The following XKR6 variants were observed in gnomAD, a reference collection of about 807,000 sequenced individuals.
XKR6 encodes the protein XK related 6, also known as XK-related protein 6.
Under a neutral mutation model 56.7 loss-of-function variants are expected in XKR6, and 22 were observed. That is an observed-to-expected ratio of 0.39 (90% CI 0.28 to 0.55). The LOEUF (loss-of-function observed/expected upper bound fraction) is 0.55, where lower values mean the gene tolerates loss of function less well. XKR6 is among the 20% of genes least tolerant of loss of function. The probability of loss-of-function intolerance (pLI) is 0.66; values close to 1 mark genes in which losing one functional copy is unlikely to be tolerated. For synonymous variants in XKR6, 524 were observed against 387.8 expected, an observed-to-expected ratio of 1.35 and a Z score of -4.13; for missense variants, 852 against 889.0, an observed-to-expected ratio of 0.96 and a Z score of 0.53.
At chr8:10,912,194 TG>T (rs1800400952) in intron 2 of XKR6, among the ~76,000 whole-genome samples, 1 of 138,456 alleles carries the variant, frequency 7.2e-6, no homozygotes, top group Non-Finnish European at 1.6e-5. Flanking sequence ...ATATATAGAG[TG>T]GGATGGTGTG....
At chr8:11,069,316 A>T (rs895752949) in intron 1 of XKR6, among the ~76,000 whole-genome samples, 1 of 151,218 alleles carries the variant, frequency 6.6e-6, no homozygotes, top group East Asian at 1.9e-4. Context: ...GTTCTTTCTC[A>T]GTCTGAAGCA....
chr8:11,043,527 T>C (rs1799336278), intron 1 of XKR6, among the ~76,000 whole-genome samples: 3 of 152,250 alleles, frequency 2.0e-5, no homozygotes, highest in African/African-American at 7.2e-5. Context: ...CCTCAGTCTC[T>C]GCCCCAGCAG....
intron 2 of XKR6, among the ~76,000 whole-genome samples, chr8:10,908,788 A>G (rs1257747317): frequency 6.6e-6 from 1 of 152,228 alleles, no homozygotes. Context: ...TGGTTAGGCC[A>G]TGAGGGCTCT....
intron 1 of XKR6, among the ~76,000 whole-genome samples, chr8:10,942,721 C>T (rs957919600): frequency 6.6e-6 from 1 of 152,234 alleles, no homozygotes; most frequent in Non-Finnish European, 1.5e-5. Flanking sequence ...AAAGCACTCG[C>T]GAGCTCACTG....
chr8:10,911,028 G>C (rs1012325475), intron 2 of XKR6, among the ~76,000 whole-genome samples: 21 of 152,150 alleles, frequency 1.4e-4, no homozygotes, highest in African/African-American at 5.1e-4. Flanking sequence ...TTTTGACAGA[G>C]GCAGTGAGAT....
In XKR6 at chr8:11,162,839, G is replaced by T. The variant is rs540964583; in HGVS notation, c.764+37737C>A. Among the ~76,000 whole-genome samples, 39 of 152,320 alleles carry T rather than the reference G, an allele frequency of 2.6e-4. 1 individual carries two copies. Among genetic ancestry groups the T allele is most frequent in the South Asian group, 2.3e-3 (11 of 4,824 alleles). On this transcript the variant is annotated intron_variant, in intron 1 of 2. Transcript: ENST00000416569. ...TCAATTTAAGCCATTACCACTAACAGTGATGTCACCTCCAATATTCCTATC... is the reference window on the plus strand; with the variant it reads ...TCAATTTAAGCCATTACCACTAACATTGATGTCACCTCCAATATTCCTATC...
chr8:11,181,099 G>C (rs1039791230), intron 1 of XKR6, among the ~76,000 whole-genome samples: 4 of 152,102 alleles, frequency 2.6e-5, no homozygotes, highest in African/African-American at 9.7e-5. Context: ...AGTAACAAGT[G>C]CACTAAGACT....
intron 1 of XKR6, among the ~76,000 whole-genome samples, chr8:11,030,639 G>C (rs368994551): frequency 1.3e-5 from 2 of 151,440 alleles, no homozygotes; most frequent in African/African-American, 4.8e-5. Flanking sequence ...GACATTCCTG[G>C]GGGTGGCGTG....
chr8:10,958,112 C>T (rs1231446227), intron 1 of XKR6, among the ~76,000 whole-genome samples: 2 of 152,170 alleles, frequency 1.3e-5, no homozygotes, highest in South Asian at 2.1e-4. Context: ...TTGTGTCAGA[C>T]TGGAAAATCT....
At chr8:11,159,402 G>A (rs1365229349) in intron 1 of XKR6, among the ~76,000 whole-genome samples, 2 of 152,168 alleles carry the variant, frequency 1.3e-5, no homozygotes, top group Non-Finnish European at 2.9e-5. Flanking sequence ...CGACAGCTAT[G>A]GCAAATACTG....
At chr8:11,049,287 G>A (rs1358198678) in intron 1 of XKR6, among the ~76,000 whole-genome samples, 1 of 152,218 alleles carries the variant, frequency 6.6e-6, no homozygotes, top group Non-Finnish European at 1.5e-5. Flanking sequence ...ATTCTTGTTT[G>A]GAGAGTAGCC....
At chr8:10,985,213 G>A (rs949849251) in intron 1 of XKR6, among the ~76,000 whole-genome samples, 1 of 152,124 alleles carries the variant, frequency 6.6e-6, no homozygotes, top group African/African-American at 2.4e-5. Flanking sequence ...TGTCACGGGA[G>A]GGACCTGGTG....
chr8:11,082,103 C>A (rs374601945), intron 1 of XKR6, among the ~76,000 whole-genome samples: 8 of 152,300 alleles, frequency 5.3e-5, no homozygotes, highest in South Asian at 4.1e-4. Context: ...CCTTCCACTG[C>A]CAGAAGATGC....
At chr8:11,098,840 T>C (rs114715674) in intron 1 of XKR6, among the ~76,000 whole-genome samples, 3,143 of 152,308 alleles carry the variant, frequency 0.021, 116 homozygotes, top group African/African-American at 0.072. Flanking sequence ...ATACAAATTC[T>C]GTTCTGTTTC....
chr8:11,018,624 G>T (rs1052141050), intron 1 of XKR6, among the ~76,000 whole-genome samples: 9 of 152,218 alleles, frequency 5.9e-5, no homozygotes, highest in African/African-American at 2.2e-4. Flanking sequence ...GGCCATCTTT[G>T]AGAATGCACT....
At chr8:10,998,141 C>T (rs1179907742) in intron 1 of XKR6, among the ~76,000 whole-genome samples, 3 of 152,212 alleles carry the variant, frequency 2.0e-5, no homozygotes, top group East Asian at 1.9e-4. Context: ...CAGCTTCCCC[C>T]GCCAGAGAGC....
intron 1 of XKR6, among the ~76,000 whole-genome samples, chr8:11,068,313 C>T (rs1266773646): frequency 6.6e-6 from 1 of 152,132 alleles, no homozygotes; most frequent in East Asian, 1.9e-4. Flanking sequence ...TGAGTAAGGG[C>T]ATCCCTGGGA....
intron 1 of XKR6, among the ~76,000 whole-genome samples, chr8:10,989,340 C>G (rs1438257434): frequency 6.6e-6 from 1 of 152,174 alleles, no homozygotes; most frequent in Non-Finnish European, 1.5e-5. Context: ...AACAAGACAG[C>G]CAGAAGGGCC....
intron 2 of XKR6, among the ~76,000 whole-genome samples, chr8:10,914,096 C>G (rs1389035202): frequency 6.6e-6 from 1 of 152,196 alleles, no homozygotes; most frequent in African/African-American, 2.4e-5. Context: ...CCTAACACCT[C>G]AGACTGGTTC....
Sources: allele counts gnomAD v4.1 joint callset (sites outside exome capture counted in the v4.1 genomes callset), GRCh38; gene constraint gnomAD v4.1.1; transcripts MANE v1.5; gene names NCBI Gene and HGNC (gene_info 2026-07-23, HGNC 2026-07-21).